The following UQCR10 variants were observed in gnomAD, a reference collection of about 807,000 sequenced individuals.
UQCR10 encodes cytochrome b-c1 complex subunit 9.
UQCR10 carries 5 observed loss-of-function variants against 6.0 expected under a neutral mutation model. The observed-to-expected ratio is 0.83, with a 90% CI of 0.43 to 1.74. The LOEUF (loss-of-function observed/expected upper bound fraction) is 1.74. Ranked by LOEUF, UQCR10 falls within the 40% of genes most tolerant of loss-of-function variation. The pLI is 0.02. For missense variants in UQCR10, 101 were observed against 85.1 expected, an observed-to-expected ratio of 1.19 and a Z score of -0.74; for synonymous variants, 40 against 37.4, an observed-to-expected ratio of 1.07 and a Z score of -0.26.
rs940836168 is a variant in UQCR10, at chr22:29,769,869, C to T, written c.*150C>T. The T allele has an allele frequency of 4.5e-6, 4 of 880,998 alleles. No homozygotes were observed. The African/African-American group carries it at 5.0e-5, about 11-fold the overall frequency. The allele number at this position is 880,998 out of a possible 1,614,324, so 54.6% of individuals were successfully genotyped here. A position where few individuals can be genotyped will look rare whatever the true frequency, so the allele number is the denominator to read the frequency against. ...GCAAGAAACGGCTTTACTTACAAAA[C>T]AGACTCTTTACCTTCTGCTGTGTTT... On this transcript the variant is annotated 3_prime_UTR_variant, in exon 2 of 2. Coordinates refer to ENST00000330029, the MANE Select transcript of UQCR10 (RefSeq NM_013387.4).
rs1041000609 is a variant in UQCR10 at position 29,770,214 on chromosome 22, G to A, written c.*495G>A. The A allele has an allele frequency of 3.1e-5, 11 of 352,844 alleles. No individual in the cohort carries two copies. The highest frequency in any genetic ancestry group is 5.0e-5 in the Non-Finnish European group (9 of 179,758). 21.9% of individuals were successfully genotyped at this position (352,844 alleles called of 1,614,324 possible). ...GCACTATGGCCTCAGCTGGGGGAAA[G>A]ACCCTGGCCTAGGGGTCTTAGCCAC... On this transcript the variant is annotated 3_prime_UTR_variant, in exon 2 of 2. Transcript: ENST00000330029.
chr22:29,767,603 T>G, intron 1 of UQCR10, 55 bp downstream of exon 1: 1 of 1,549,682 alleles, frequency 6.5e-7, no homozygotes, highest in Non-Finnish European at 8.8e-7. Flanking sequence ...GACAGTGGAG[T>G]AGAGGTGGGA....
At chr22:29,767,749 C>G (rs1266276553) in intron 1 of UQCR10, 1 of 867,252 alleles carries the variant, frequency 1.2e-6, no homozygotes, top group Admixed American at 3.1e-5. Context: ...TTTCATTTTG[C>G]AGGGGTTGTA....
chr22:29,769,532 G>A (rs1237904055), intron 1 of UQCR10, 146 bp from the exon 2 acceptor site: 14 of 853,496 alleles, frequency 1.6e-5, no homozygotes, highest in East Asian at 1.1e-4. Context: ...GGATTGCTTC[G>A]AGTTTGCCCA....
chr22:29,767,682 C>T (rs776645962), intron 1 of UQCR10, 134 bp downstream of exon 1: 141 of 1,308,876 alleles, frequency 1.1e-4, no homozygotes, highest in Non-Finnish European at 1.4e-4. Flanking sequence ...GTCTCGAGTC[C>T]GCCGTCTGTC....
Position 29,769,923 on chromosome 22 carries a change from A to G in UQCR10, c.*204A>G. 1 of 711,920 alleles carries G rather than the reference A, an allele frequency of 1.4e-6. No homozygotes were observed. The highest frequency in any genetic ancestry group is 2.5e-6 in the Non-Finnish European group (1 of 394,258). 44.1% of individuals were successfully genotyped at this position (711,920 alleles called of 1,614,324 possible). A position where few individuals can be genotyped will look rare whatever the true frequency, so the allele number is the denominator to read the frequency against. ...GTATGTTTAGTCAGCATGCTCAGGA[A>G]ATAAATGTGAATTGCCCTTGAGACC... On this transcript the variant is annotated 3_prime_UTR_variant, in exon 2 of 2. Transcript: ENST00000330029.
In UQCR10 at chr22:29,770,266, G is replaced by GC; in HGVS notation, c.*547_*548insC. The GC allele has an allele frequency of 7.3e-6, 2 of 272,944 alleles. No individual in the cohort carries two copies. The highest frequency in any genetic ancestry group is 3.9e-5 in the South Asian group (1 of 25,950). 16.9% of individuals were successfully genotyped at this position (272,944 alleles called of 1,614,324 possible). A position where few individuals can be genotyped will look rare whatever the true frequency, so the allele number is the denominator to read the frequency against. ...CCCCACCCTAGGGTATAGTTCAGGG[G>GC]TATCCAATCCTTTGGCTTCCCTGGG... On this transcript the variant is annotated 3_prime_UTR_variant, in exon 2 of 2. Transcript: ENST00000330029.
rs745918395 is a variant in UQCR10, at chr22:29,767,494, C to A, written c.96C>A (p.Phe32Leu). The stretch of plus-strand genomic sequence containing the variant: ...CCATCATCGTGGGCGTCATGTTCTT[C>A]GAGCGCGCCTTCGATCAAGGCGCGG... ...ALTIIVGVMF[F>L]ERAFDQGADA... The change falls in exon 1 of 2, where the codon TTC becomes TTA. Residue 32 changes from phenylalanine (F) to leucine (L), a missense_variant. Physicochemically the swap from Phe to Leu is conservative, Grantham distance 22. Coordinates refer to ENST00000330029, the MANE Select transcript of UQCR10 (RefSeq NM_013387.4). The A allele has an allele frequency of 6.2e-7, 1 of 1,614,004 alleles. No individual in the cohort carries two copies. Among genetic ancestry groups the A allele is most frequent in the Non-Finnish European group, 8.5e-7 (1 of 1,179,872 alleles).
Position 29,767,478 on chromosome 22 carries a change from T to C in UQCR10, c.80T>C (p.Val27Ala), listed in dbSNP as rs754234891. The stretch of plus-strand genomic sequence containing the variant: ...TCCACCTTCGCCCTCACCATCATCG[T>C]GGGCGTCATGTTCTTCGAGCGCGCC... ...RTSTFALTII[V>A]GVMFFERAFD... Residue 27 changes from valine (V) to alanine (A), a missense_variant, in exon 1 of 2, where the codon GTG (valine) becomes GCG (alanine). Transcript: ENST00000330029. 1 of 1,614,038 alleles carries C rather than the reference T, an allele frequency of 6.2e-7. No homozygotes were observed. The highest frequency in any genetic ancestry group is 8.5e-7 in the Non-Finnish European group (1 of 1,179,884).
chr22:29,769,597 T>A, intron 1 of UQCR10, 81 bp from the exon 2 acceptor site: 1 of 1,427,898 alleles, frequency 7.0e-7, no homozygotes, highest in Non-Finnish European at 9.5e-7. Flanking sequence ...CAAGCTCATT[T>A]TAGAGACCAG....
In UQCR10 at chr22:29,767,387, C is replaced by A; in HGVS notation, c.-12C>A. ...CGCAGGCGCGGTGGCGCGAGTTGGA[C>A]TGTGAAGAAACATGGCGGCCGCGAC... is the stretch of plus-strand genomic sequence containing the variant. On this transcript the variant is annotated 5_prime_UTR_variant, in exon 1 of 2. The change creates a new upstream start codon in the 5' untranslated region. Transcript: ENST00000330029. The A allele has an allele frequency of 6.2e-7, 1 of 1,611,248 alleles. No individual in the cohort carries two copies. The highest frequency in any genetic ancestry group is 8.5e-7 in the Non-Finnish European group (1 of 1,178,610).
chr22:29,769,245 T>C (rs1039296342), intron 1 of UQCR10, among the ~76,000 whole-genome samples: 4 of 152,168 alleles, frequency 2.6e-5, no homozygotes, highest in African/African-American at 4.8e-5. Flanking sequence ...CTCACACCTG[T>C]CATCCCAGCG....
intron 1 of UQCR10, among the ~76,000 whole-genome samples, chr22:29,768,299 T>C (rs1036514169): frequency 2.0e-5 from 3 of 152,198 alleles, no homozygotes; most frequent in African/African-American, 7.2e-5. Context: ...TCGCAACACA[T>C]TTTTGACTTT....
At chr22:29,768,926 C>T (rs568265591) in intron 1 of UQCR10, among the ~76,000 whole-genome samples, 1 of 152,322 alleles carries the variant, frequency 6.6e-6, no homozygotes, top group East Asian at 1.9e-4. Context: ...TGTGCTCAAC[C>T]TCTTGTGCTT....
chr22:29,767,581 C>T (rs1452242845), intron 1 of UQCR10, 33 bp downstream of exon 1: 3 of 1,524,264 alleles, frequency 2.0e-6, no homozygotes, highest in Admixed American at 3.5e-5. Flanking sequence ...ACCTTGGACC[C>T]GCCTGAGGGG....
chr22:29,769,371 C>A (rs1323476935), intron 1 of UQCR10, among the ~76,000 whole-genome samples: 3 of 152,120 alleles, frequency 2.0e-5, no homozygotes, highest in Non-Finnish European at 4.4e-5. Flanking sequence ...GTAGCGCATA[C>A]CTGTATTCCC....
chr22:29,769,827 AC>A lies in UQCR10; in HGVS notation c.*110del. 7.8e-7 allele frequency: 1 copy of A among 1,285,872 alleles called. No individual in the cohort carries two copies. 79.7% of individuals were successfully genotyped at this position (1,285,872 alleles called of 1,614,324 possible). ...ATGATGCTCAAGGTACTCTTCATGG[AC>A]CACCATTCGCTGTTGGCAAGAAACG... On this transcript the variant is annotated 3_prime_UTR_variant, in exon 2 of 2. Coordinates refer to ENST00000330029, the MANE Select transcript of UQCR10 (RefSeq NM_013387.4).
chr22:29,767,591 G>C, intron 1 of UQCR10, 43 bp downstream of exon 1: 1 of 1,544,088 alleles, frequency 6.5e-7, no homozygotes, highest in Non-Finnish European at 8.9e-7. Context: ...CGCCTGAGGG[G>C]TGACAGTGGA....
At position 29,767,525 on chromosome 22, in the gene UQCR10, A is replaced by G. The variant is rs576965392; in HGVS notation, c.127A>G (p.Ile43Val). Residue 43 changes from isoleucine (I) to valine (V), a missense_variant, in exon 1 of 2, where the codon ATC becomes GTC. Ile to Val is a conservative substitution (Grantham distance 29). Transcript: ENST00000330029. ...CGCCTTCGATCAAGGCGCGGACGCT[A>G]TCTACGACCACATCAACGAGGGGGT... ...ERAFDQGADA[I>V]YDHINEGKLW... The G allele has an allele frequency of 5.0e-6, 8 of 1,613,894 alleles. No homozygotes were observed. The highest frequency in any genetic ancestry group is 2.2e-5 in the South Asian group (2 of 91,082).
Sources: allele counts gnomAD v4.1 joint callset (sites outside exome capture counted in the v4.1 genomes callset), GRCh38; gene constraint gnomAD v4.1.1; transcripts MANE v1.5; gene names NCBI Gene and HGNC (gene_info 2026-07-23, HGNC 2026-07-21).